Variants in CADM1 observed in about 807,000 individuals in gnomAD.
CADM1 encodes the protein TSLC-1.
Under a neutral mutation model 53.1 loss-of-function variants are expected in CADM1, and 15 were observed. The ratio of observed to expected loss-of-function variants is 0.28; its 90% CI spans 0.19 to 0.44. The LOEUF (loss-of-function observed/expected upper bound fraction) is 0.44. Among genes scored for constraint, CADM1 ranks in the 20% least tolerant of loss-of-function variants. CADM1 has a pLI of 1.00. For missense variants in CADM1, 434 were observed against 611.3 expected, an observed-to-expected ratio of 0.71 and a Z score of 3.06; for synonymous variants, 281 against 243.0, an observed-to-expected ratio of 1.16 and a Z score of -1.45.
At chr11:115,243,178 C>T (rs12292932) in intron 1 of CADM1, among the ~76,000 whole-genome samples, 1 of 152,174 alleles carries the variant, frequency 6.6e-6, no homozygotes, top group African/African-American at 2.4e-5. Flanking sequence ...TTTCCATCTG[C>T]AAATGTTTGC....
At chr11:115,488,523 A>G (rs1949426316) in intron 1 of CADM1, among the ~76,000 whole-genome samples, 1 of 152,212 alleles carries the variant, frequency 6.6e-6, no homozygotes, top group East Asian at 1.9e-4. Context: ...TTTAAAAAAT[A>G]TTACAGCAAT....
intron 1 of CADM1, among the ~76,000 whole-genome samples, chr11:115,282,902 G>C (rs1003571273): frequency 9.9e-5 from 15 of 152,114 alleles, no homozygotes; most frequent in African/African-American, 3.6e-4. Context: ...AGGGTTTATA[G>C]TAAAATACAG....
At chr11:115,176,917 A>G (rs1939058455) in intron 11 of CADM1, among the ~76,000 whole-genome samples, 1 of 152,238 alleles carries the variant, frequency 6.6e-6, no homozygotes, top group Non-Finnish European at 1.5e-5. Context: ...ACTAACGTAT[A>G]AACAGTAAAC....
intron 1 of CADM1, among the ~76,000 whole-genome samples, chr11:115,465,397 T>G (rs1948877848): frequency 6.6e-6 from 1 of 152,130 alleles, no homozygotes; most frequent in Non-Finnish European, 1.5e-5. Flanking sequence ...TGAGAGGTGT[T>G]TAGTAAACTT....
At chr11:115,474,349 C>G (rs1949082131) in intron 1 of CADM1, among the ~76,000 whole-genome samples, 2 of 145,846 alleles carry the variant, frequency 1.4e-5, no homozygotes, top group Non-Finnish European at 3.0e-5. Context: ...GACACTTCAC[C>G]AAGATATTCA....
intron 1 of CADM1, among the ~76,000 whole-genome samples, chr11:115,361,609 G>A (rs188189812): frequency 2.0e-5 from 3 of 152,208 alleles, no homozygotes; most frequent in Non-Finnish European, 4.4e-5. Flanking sequence ...AATTTATTTC[G>A]AGGAAAATGC....
At chr11:115,443,950 T>C (rs745459098) in intron 1 of CADM1, among the ~76,000 whole-genome samples, 1 of 152,024 alleles carries the variant, frequency 6.6e-6, no homozygotes, top group Admixed American at 6.6e-5. Context: ...CAAAAGGTGG[T>C]TGGTCGGGTC....
At chr11:115,369,993 T>C (rs1946270638) in intron 1 of CADM1, among the ~76,000 whole-genome samples, 2 of 152,336 alleles carry the variant, frequency 1.3e-5, no homozygotes, top group Middle Eastern at 3.4e-3. Flanking sequence ...GCCATCTCCT[T>C]ATAAATGCAG....
rs754556437 is a variant in CADM1 at position 115,231,467 on chromosome 11, C to T, written c.448G>A (p.Asp150Asn). The T allele has an allele frequency of 6.8e-6, 11 of 1,613,776 alleles. No homozygotes were observed. Among genetic ancestry groups the T allele is most frequent in the East Asian group, 6.7e-5 (3 of 44,880 alleles). ...VLVPPRNLMI[D>N]IQKDTAVEGE... ...TCCACCGCAGTGTCTTTCTGGATATCGATCATCAGATTACGTGGTGGGACT... is the reference window on the plus strand; with the variant it reads ...TCCACCGCAGTGTCTTTCTGGATATTGATCATCAGATTACGTGGTGGGACT... Residue 150 changes from aspartate (D) to asparagine (N), a missense_variant, in exon 4 of 12, where the codon GAT becomes AAT. This residue lies in a region of CADM1 where 311 missense variants were observed against 435.1 expected (regional missense o/e 0.71). Transcript: ENST00000331581.
intron 1 of CADM1, among the ~76,000 whole-genome samples, chr11:115,353,504 G>C (rs1294780469): frequency 1.3e-5 from 2 of 152,312 alleles, no homozygotes; most frequent in East Asian, 3.9e-4. Context: ...TTTTGGTTCA[G>C]TTAATGGAAT....
intron 1 of CADM1, among the ~76,000 whole-genome samples, chr11:115,459,598 A>T (rs761817092): frequency 6.6e-6 from 1 of 152,178 alleles, no homozygotes; most frequent in Non-Finnish European, 1.5e-5. Flanking sequence ...GGAGGCTCTT[A>T]CTTCCCTGCT....
At chr11:115,416,291 G>A (rs1221566685) in intron 1 of CADM1, among the ~76,000 whole-genome samples, 2 of 152,142 alleles carry the variant, frequency 1.3e-5, no homozygotes, top group Non-Finnish European at 2.9e-5. Flanking sequence ...ATTGTCCGCT[G>A]CTTTCTTATA....
intron 7 of CADM1, among the ~76,000 whole-genome samples, chr11:115,210,932 A>C (rs1197999448): frequency 6.6e-6 from 1 of 152,192 alleles, no homozygotes; most frequent in African/African-American, 2.4e-5. Context: ...AACAGAGAAG[A>C]ATCAACTGTT....
At chr11:115,261,831 G>A (rs1323819746) in intron 1 of CADM1, among the ~76,000 whole-genome samples, 2 of 151,046 alleles carry the variant, frequency 1.3e-5, no homozygotes, top group African/African-American at 4.9e-5. Flanking sequence ...CCAGGCTGGA[G>A]TGCAGTGGTT....
intron 1 of CADM1, among the ~76,000 whole-genome samples, chr11:115,284,663 CCAGT>C (rs1943683622): frequency 6.6e-6 from 1 of 152,088 alleles, no homozygotes; most frequent in Non-Finnish European, 1.5e-5. Flanking sequence ...TACAACCACC[CCAGT>C]CACTCTGATT....
intron 1 of CADM1, among the ~76,000 whole-genome samples, chr11:115,324,610 T>C (rs1412875513): frequency 6.6e-6 from 1 of 152,166 alleles, no homozygotes; most frequent in African/African-American, 2.4e-5. Flanking sequence ...TTTTCTTCCA[T>C]AGACCTTAGC....
At chr11:115,294,174 C>G (rs1428662016) in intron 1 of CADM1, among the ~76,000 whole-genome samples, 1 of 152,108 alleles carries the variant, frequency 6.6e-6, no homozygotes, top group Non-Finnish European at 1.5e-5. Flanking sequence ...CAGACGTAGC[C>G]TCTGGTGACC....
chr11:115,235,214 G>A (rs1174615217), intron 3 of CADM1, among the ~76,000 whole-genome samples: 1 of 150,202 alleles, frequency 6.7e-6, no homozygotes, highest in African/African-American at 2.4e-5. Flanking sequence ...ATATAAATGA[G>A]GTGATTTAAA....
rs554268749 is a variant in CADM1 at position 115,169,328 on chromosome 11, G to A, written c.*7146C>T. The A allele has an allele frequency of 2.3e-4, 61 of 265,684 alleles. 1 individual carries two copies. In the South Asian group the frequency reaches 2.3e-3, roughly 10 times the overall value. 16.5% of individuals were successfully genotyped at this position (265,684 alleles called of 1,614,324 possible). On this transcript the variant is annotated 3_prime_UTR_variant, in exon 12 of 12. Transcript: ENST00000331581. The stretch of plus-strand genomic sequence containing the variant: ...ACTCAAGGCCCTTCTCGATGCATTG[G>A]TGTCTCTGCAAGGAAATCTATTATT...
Sources: allele counts gnomAD v4.1 joint callset (sites outside exome capture counted in the v4.1 genomes callset), GRCh38; gene constraint gnomAD v4.1.1; regional missense constraint gnomAD v4.1.1; transcripts MANE v1.5; gene names NCBI Gene and HGNC (gene_info 2026-07-23, HGNC 2026-07-21).